TMEM50A: variants seen among roughly 807,000 people sequenced by gnomAD.
TMEM50A encodes transmembrane protein 50A.
Under a neutral mutation model 23.9 loss-of-function variants are expected in TMEM50A, and 8 were observed. The observed-to-expected ratio is 0.33, with a 90% CI of 0.20 to 0.60. TMEM50A has a LOEUF of 0.60. Ranked by LOEUF, TMEM50A falls within the 20% of genes least tolerant of loss-of-function variation. TMEM50A has a pLI of 0.81. For missense variants in TMEM50A, 178 were observed against 192.7 expected, an observed-to-expected ratio of 0.92 and a Z score of 0.45; for synonymous variants, 55 against 60.4, an observed-to-expected ratio of 0.91 and a Z score of 0.41.
Position 25,357,535 on chromosome 1 carries a change from G to GTGTGTGTGTGTGTGTGTGTGTGTGTGTGT in TMEM50A, c.428+709_428+710insGTTGTGTGTGTGTGTGTGTGTGTGTGTGT, listed in dbSNP as rs1557589015. On this transcript the variant is annotated intron_variant, in intron 6 of 6. Coordinates refer to ENST00000374358, the MANE Select transcript of TMEM50A (RefSeq NM_014313.4). ...TTAATCCTCTGCATCAGGAGTGTGT[G>GTGTGTGTGTGTGTGTGTGTGTGTGTGTGT]TGTGTGTGTGTGTGTGTGTGTGTGT... Among the ~76,000 whole-genome samples, 81 of 144,774 alleles carry GTGTGTGTGTGTGTGTGTGTGTGTGTGTGT rather than the reference G, an allele frequency of 5.6e-4. 1 individual carries two copies. Among genetic ancestry groups the GTGTGTGTGTGTGTGTGTGTGTGTGTGTGT allele is most frequent in the Non-Finnish European group, 3.0e-5 (2 of 66,384 alleles). 95.0% of individuals were successfully genotyped at this position (144,774 alleles called of 152,430 possible). A position where few individuals can be genotyped will look rare whatever the true frequency, so the allele number is the denominator to read the frequency against.
chr1:25,342,882 T>C, intron 2 of TMEM50A, 79 bp from the exon 3 acceptor site: 1 of 1,116,266 alleles, frequency 9.0e-7, no homozygotes, highest in Non-Finnish European at 1.3e-6. Context: ...AAAAGGGATC[T>C]CCTCACTTAA....
At chr1:25,345,887 A>T (rs934679517) in intron 3 of TMEM50A, among the ~76,000 whole-genome samples, 2 of 151,382 alleles carry the variant, frequency 1.3e-5, no homozygotes, top group African/African-American at 4.9e-5. Context: ...TCCCAGGCTC[A>T]ATTGATTCTC....
At chr1:25,342,453 C>G (rs1423552296) in intron 2 of TMEM50A, 1 of 152,142 alleles carries the variant, frequency 6.6e-6, no homozygotes, top group Non-Finnish European at 1.5e-5. Context: ...ACACCTGAAA[C>G]CATATTTAGA....
At chr1:25,341,867 GTTT>G (rs113850443) in intron 2 of TMEM50A, among the ~76,000 whole-genome samples, 3 of 113,294 alleles carry the variant, frequency 2.6e-5, no homozygotes, top group Admixed American at 1.8e-4. Flanking sequence ...GCTAATTTTT[GTTT>G]TTTTTTTTGT....
chr1:25,341,390 C>T (rs1280593446), intron 2 of TMEM50A, among the ~76,000 whole-genome samples: 7 of 152,118 alleles, frequency 4.6e-5, no homozygotes, highest in Non-Finnish European at 1.0e-4. Context: ...TCCCGAGTAG[C>T]TGGGACTACA....
intron 3 of TMEM50A, among the ~76,000 whole-genome samples, chr1:25,347,744 C>T (rs146225112): frequency 2.4e-4 from 36 of 152,286 alleles, no homozygotes; most frequent in African/African-American, 7.9e-4. Flanking sequence ...GTTATTCATT[C>T]GCAGAAGTAA....
In TMEM50A at chr1:25,343,513, G is replaced by C. The variant is rs535472226; in HGVS notation, c.206+440G>C. 2.0e-5 allele frequency among the ~76,000 whole-genome samples: 3 copies of C among 152,240 alleles called. No individual in the cohort carries two copies. The South Asian group carries it at 6.2e-4, about 32-fold the overall frequency. Reference sequence around the variant, plus strand: ...GAAAAAATAGAGAAAGGAGATATGTGCAAATAAGTGCAAAGGAGAAAGGGA... The same window carrying C: ...GAAAAAATAGAGAAAGGAGATATGTCCAAATAAGTGCAAAGGAGAAAGGGA... On this transcript the variant is annotated intron_variant, in intron 3 of 6. Coordinates refer to ENST00000374358, the MANE Select transcript of TMEM50A (RefSeq NM_014313.4).
chr1:25,345,741 G>A (rs781271579), intron 3 of TMEM50A, among the ~76,000 whole-genome samples: 8 of 151,676 alleles, frequency 5.3e-5, no homozygotes, highest in Non-Finnish European at 7.4e-5. Context: ...GGGAGACTCC[G>A]TCTCAATAAA....
intron 5 of TMEM50A, 105 bp downstream of exon 5, chr1:25,353,079 AC>A: frequency 3.4e-6 from 3 of 893,550 alleles, no homozygotes; most frequent in Non-Finnish European, 5.1e-6. Flanking sequence ...TGGGCCAACT[AC>A]TAGCGATGCA....
chr1:25,359,380 A>G (rs2124266646), intron 6 of TMEM50A, among the ~76,000 whole-genome samples: 1 of 152,272 alleles, frequency 6.6e-6, no homozygotes, highest in Admixed American at 6.5e-5. Flanking sequence ...AGCCTTAAGG[A>G]CAACTGTAGA....
intron 5 of TMEM50A, among the ~76,000 whole-genome samples, chr1:25,355,994 A>C (rs1645329956): frequency 6.6e-6 from 1 of 152,094 alleles, no homozygotes; most frequent in African/African-American, 2.4e-5. Flanking sequence ...ATATATCCTG[A>C]GTCTAACCAC....
In TMEM50A at chr1:25,362,352, C is replaced by G; in HGVS notation, c.*1647C>G. ...TTATTTTAAACTTATTAAATTGACT[C>G]TTAAACTAAGTTTTTAGTCTTTAAT... On this transcript the variant is annotated 3_prime_UTR_variant, in exon 7 of 7. Coordinates refer to ENST00000374358, the MANE Select transcript of TMEM50A (RefSeq NM_014313.4). The G allele has an allele frequency of 2.1e-6, 3 of 1,433,874 alleles. No homozygotes were observed. The highest frequency in any genetic ancestry group is 2.5e-5 in the East Asian group (1 of 40,676). The allele number at this position is 1,433,874 out of a possible 1,614,324, so 88.8% of individuals were successfully genotyped here.
chr1:25,345,450 C>T (rs1377803476), intron 3 of TMEM50A, among the ~76,000 whole-genome samples: 3 of 152,160 alleles, frequency 2.0e-5, no homozygotes, highest in Admixed American at 6.5e-5. Context: ...TATAGTGGCA[C>T]GTGACTGTGG....
At position 25,356,333 on chromosome 1, in the gene TMEM50A, G is replaced by A. The variant is rs1043510036; in HGVS notation, c.368-460G>A. On this transcript the variant is annotated intron_variant, in intron 5 of 6. Transcript: ENST00000374358. ...GTGGCTGTTCCTGTAATTCACTGGC[G>A]TGCTCCCTCAGGGCGTGTGCATGGC... Among the ~76,000 whole-genome samples the A allele has an allele frequency of 4.6e-5, 7 of 152,148 alleles. No individual in the cohort carries two copies. In the East Asian group the frequency reaches 5.8e-4, roughly 13 times the overall value.
At chr1:25,355,500 G>A (rs531592158) in intron 5 of TMEM50A, among the ~76,000 whole-genome samples, 2 of 152,124 alleles carry the variant, frequency 1.3e-5, no homozygotes, top group South Asian at 4.1e-4. Context: ...ATAATTTTAG[G>A]CTATTTTCCT....
At chr1:25,339,357 T>G (rs898773484) in intron 1 of TMEM50A, among the ~76,000 whole-genome samples, 1 of 152,262 alleles carries the variant, frequency 6.6e-6, no homozygotes, top group Non-Finnish European at 1.5e-5. Context: ...GTTGGATTTT[T>G]GTAATCTGAA....
chr1:25,340,515 G>A lies in TMEM50A; in HGVS notation c.29G>A (p.Cys10Tyr). 6.2e-7 allele frequency: 1 copy of A among 1,613,744 alleles called. No homozygotes were observed. The highest frequency in any genetic ancestry group is 1.3e-5 in the African/African-American group (1 of 75,026). The change falls in exon 2 of 7, where the codon TGC becomes TAC. Residue 10 changes from cysteine to tyrosine, a missense_variant. Cys to Tyr is a radical substitution (Grantham distance 194, BLOSUM62 -2). Transcript: ENST00000374358. ...TCTGGATTTCTAGAGGGCTTGAGAT[G>A]CTCAGAATGCATTGACTGGGGGGAA... Reference protein sequence around the residue: MSGFLEGLRCSECIDWGEKR... With the variant: MSGFLEGLRYSECIDWGEKR...
At chr1:25,344,725 T>G (rs957348016) in intron 3 of TMEM50A, among the ~76,000 whole-genome samples, 1 of 151,694 alleles carries the variant, frequency 6.6e-6, no homozygotes, top group East Asian at 1.9e-4. Flanking sequence ...TGTTTTTTGT[T>G]TTTTTTTGGT....
chr1:25,348,496 C>A (rs1474559579), intron 3 of TMEM50A, among the ~76,000 whole-genome samples: 1 of 151,960 alleles, frequency 6.6e-6, no homozygotes. Flanking sequence ...ACCATCCTGG[C>A]CAACATGATG....
Sources: gnomAD v4.1 joint callset for allele counts (sites outside exome capture counted in the v4.1 genomes callset) on GRCh38, gnomAD v4.1.1 for gene constraint, MANE v1.5 for transcripts, NCBI Gene and HGNC (gene_info 2026-07-23, HGNC 2026-07-21) for gene names.